The following CDH12 variants were observed in gnomAD, a reference collection of about 807,000 sequenced individuals.
CDH12 encodes cadherin-12.
Under a neutral mutation model 74.1 loss-of-function variants are expected in CDH12, and 41 were observed. The observed-to-expected ratio is 0.55, with a 90% CI of 0.43 to 0.72. The LOEUF is 0.72. Among genes scored for constraint, CDH12 ranks in the 30% least tolerant of loss-of-function variants. CDH12 has a pLI of 0.00. For synonymous variants in CDH12, 399 were observed against 355.0 expected (o/e 1.12, Z -1.39); for missense variants, 945 against 977.2 (o/e 0.97, Z 0.44).
chr5:22,263,090 C>T (rs1256075436), intron 3 of CDH12, among the ~76,000 whole-genome samples: 1 of 151,970 alleles, frequency 6.6e-6, no homozygotes, highest in Non-Finnish European at 1.5e-5. Flanking sequence ...TGAAAAAATG[C>T]TCATCATCAC....
chr5:22,251,021 G>A (rs1429541582), intron 3 of CDH12, among the ~76,000 whole-genome samples: 3 of 152,164 alleles, frequency 2.0e-5, no homozygotes, highest in Non-Finnish European at 4.4e-5. Context: ...AATACTGAAG[G>A]GGAAAGCCAG....
chr5:22,177,257 C>T (rs1212289935), intron 4 of CDH12, among the ~76,000 whole-genome samples: 9 of 152,034 alleles, frequency 5.9e-5, no homozygotes, highest in African/African-American at 2.2e-4. Context: ...AATTTCCCTA[C>T]CTATTTTTTT....
chr5:22,205,442 T>G (rs1257734771), intron 4 of CDH12, among the ~76,000 whole-genome samples: 2 of 152,140 alleles, frequency 1.3e-5, no homozygotes, highest in African/African-American at 4.8e-5. Flanking sequence ...TAGGAAATTA[T>G]AGGGGCAGGT....
intron 2 of CDH12, among the ~76,000 whole-genome samples, chr5:22,467,558 G>A (rs745865376): frequency 2.5e-4 from 38 of 152,174 alleles, no homozygotes; most frequent in Non-Finnish European, 5.1e-4. Flanking sequence ...TCTTGCACTC[G>A]AATATGGGCT....
At chr5:22,101,628 T>G (rs2150250046) in intron 4 of CDH12, among the ~76,000 whole-genome samples, 1 of 152,214 alleles carries the variant, frequency 6.6e-6, no homozygotes, top group South Asian at 2.1e-4. Flanking sequence ...TGAAGAAAAT[T>G]AAAAGAAAAC....
intron 5 of CDH12, among the ~76,000 whole-genome samples, chr5:22,052,935 T>C (rs1740478445): frequency 6.6e-6 from 1 of 152,100 alleles, no homozygotes; most frequent in South Asian, 2.1e-4. Flanking sequence ...CTAATATTTA[T>C]GTAACAAGAA....
intron 2 of CDH12, among the ~76,000 whole-genome samples, chr5:22,483,542 A>G (rs1746464048): frequency 1.3e-5 from 2 of 150,830 alleles, no homozygotes; most frequent in South Asian, 2.1e-4. Flanking sequence ...CCATGTAGTG[A>G]TGGAAGACCC....
At chr5:22,646,429 G>T (rs1196107197) in intron 1 of CDH12, among the ~76,000 whole-genome samples, 1 of 151,746 alleles carries the variant, frequency 6.6e-6, no homozygotes, top group Non-Finnish European at 1.5e-5. Flanking sequence ...ATGAACAAAA[G>T]AAAATTTCTG....
chr5:22,792,328 A>T (rs1747957322), intron 1 of CDH12, among the ~76,000 whole-genome samples: 1 of 152,030 alleles, frequency 6.6e-6, no homozygotes, highest in South Asian at 2.1e-4. Context: ...ACCTCAGGTG[A>T]TCTGCCTCCG....
chr5:22,015,831 G>C (rs1737568822), intron 5 of CDH12, among the ~76,000 whole-genome samples: 1 of 152,192 alleles, frequency 6.6e-6, no homozygotes. Context: ...AATGTTCATA[G>C]ATGGTTAAAC....
At chr5:22,342,328 G>A (rs1485086945) in intron 3 of CDH12, among the ~76,000 whole-genome samples, 1 of 152,152 alleles carries the variant, frequency 6.6e-6, no homozygotes, top group African/African-American at 2.4e-5. Context: ...CAGAACAGCT[G>A]TATAACTCTC....
intron 2 of CDH12, among the ~76,000 whole-genome samples, chr5:22,472,478 T>G (rs1746001985): frequency 6.6e-6 from 1 of 152,158 alleles, no homozygotes; most frequent in Admixed American, 6.6e-5. Context: ...CCTGAACACT[T>G]TGACTAAACC....
chr5:22,081,683 T>C (rs1227026036), intron 4 of CDH12, among the ~76,000 whole-genome samples: 1 of 152,168 alleles, frequency 6.6e-6, no homozygotes, highest in Non-Finnish European at 1.5e-5. Flanking sequence ...GTCTTTTTAT[T>C]GTATATTAGA....
intron 4 of CDH12, among the ~76,000 whole-genome samples, chr5:22,095,872 G>A (rs150273400): frequency 0.012 from 1,695 of 146,068 alleles, 29 homozygotes; most frequent in African/African-American, 0.041. Flanking sequence ...TCCGTGCCCC[G>A]ACCTCTTATC....
chr5:21,817,997 A>G (rs573494267), intron 8 of CDH12, among the ~76,000 whole-genome samples: 1 of 152,196 alleles, frequency 6.6e-6, no homozygotes, highest in African/African-American at 2.4e-5. Flanking sequence ...AATTTTTCAA[A>G]GTTTGACACA....
At chr5:22,786,441 A>T (rs1053596400) in intron 1 of CDH12, among the ~76,000 whole-genome samples, 1 of 152,216 alleles carries the variant, frequency 6.6e-6, no homozygotes, top group Admixed American at 6.5e-5. Context: ...GCTGTTTTTC[A>T]CAAGCTGGGC....
At position 22,756,588 on chromosome 5, in the gene CDH12, A is replaced by G. The variant is rs182197120; in HGVS notation, c.-523+96470T>C. Among the ~76,000 whole-genome samples, 645 of 152,314 alleles carry G rather than the reference A, an allele frequency of 4.2e-3. 4 individuals are homozygous for G. Among genetic ancestry groups the G allele is most frequent in the Non-Finnish European group, 7.4e-3 (505 of 68,020 alleles). ...TCTAACTCTAAAAAGGATTCTTCAT[A>G]AAATGTGAAAGCCCAAGAAATATAA... On this transcript the variant is annotated intron_variant, in intron 1 of 14. Transcript: ENST00000382254.
At chr5:22,270,926 G>A (rs146436763) in intron 3 of CDH12, among the ~76,000 whole-genome samples, 5 of 152,058 alleles carry the variant, frequency 3.3e-5, no homozygotes, top group Admixed American at 6.6e-5. Flanking sequence ...TACCTGCCTC[G>A]GCCTCCAAAA....
chr5:22,258,540 T>G (rs1228964382), intron 3 of CDH12, among the ~76,000 whole-genome samples: 1 of 151,738 alleles, frequency 6.6e-6, no homozygotes, highest in Non-Finnish European at 1.5e-5. Context: ...TCATAAAATG[T>G]TAAAAGTTAA....
Sources: gnomAD v4.1 joint callset for allele counts (sites outside exome capture counted in the v4.1 genomes callset) on GRCh38, gnomAD v4.1.1 for gene constraint, MANE v1.5 for transcripts, NCBI Gene and HGNC (gene_info 2026-07-23, HGNC 2026-07-21) for gene names.